SUCLG2: variants seen among roughly 807,000 people sequenced by gnomAD.
SUCLG2 encodes the protein succinate-CoA ligase GDP-forming subunit beta.
Under a neutral mutation model 47.9 loss-of-function variants are expected in SUCLG2, and 42 were observed. The ratio of observed to expected loss-of-function variants is 0.88; its 90% CI spans 0.69 to 1.14. The LOEUF is 1.14. SUCLG2 is among the 50% of genes most tolerant of loss of function. SUCLG2 has a pLI of 0.00. For synonymous variants in SUCLG2, 195 were observed against 197.3 expected, an observed-to-expected ratio of 0.99 and a Z score of 0.10; for missense variants, 571 against 525.9, an observed-to-expected ratio of 1.09 and a Z score of -0.84.
intron 5 of SUCLG2, among the ~76,000 whole-genome samples, chr3:67,519,759 A>C (rs2107126051): frequency 6.6e-6 from 1 of 152,336 alleles, no homozygotes; most frequent in South Asian, 2.1e-4. Flanking sequence ...TTTAGTTCTG[A>C]AAACTTATGT....
intron 2 of SUCLG2, among the ~76,000 whole-genome samples, chr3:67,539,459 G>C (rs957969287): frequency 1.3e-5 from 2 of 152,164 alleles, no homozygotes; most frequent in African/African-American, 4.8e-5. Context: ...AATTCGGTTT[G>C]CCAGTATTTT....
intron 7 of SUCLG2, among the ~76,000 whole-genome samples, chr3:67,508,437 T>C (rs1705697738): frequency 6.6e-6 from 1 of 152,062 alleles, no homozygotes; most frequent in African/African-American, 2.4e-5. Flanking sequence ...TTTATTATTA[T>C]TATTATTATT....
chr3:67,450,907 C>T (rs192838602), intron 9 of SUCLG2, among the ~76,000 whole-genome samples: 21 of 152,306 alleles, frequency 1.4e-4, no homozygotes, highest in African/African-American at 4.6e-4. Context: ...CATTCACAAC[C>T]TGGCCCTAAT....
At chr3:67,618,836 T>TTA (rs1700678192) in intron 1 of SUCLG2, among the ~76,000 whole-genome samples, 1 of 152,124 alleles carries the variant, frequency 6.6e-6, no homozygotes, top group South Asian at 2.1e-4. Flanking sequence ...ATGTAAAACT[T>TTA]AATTAGAGTG....
chr3:67,636,022 G>A (rs968404497), intron 1 of SUCLG2, among the ~76,000 whole-genome samples: 2 of 152,210 alleles, frequency 1.3e-5, no homozygotes, highest in Non-Finnish European at 2.9e-5. Flanking sequence ...ACATATTCCA[G>A]AGGGATTCAA....
At chr3:67,596,178 T>C (rs1160966456) in intron 2 of SUCLG2, among the ~76,000 whole-genome samples, 7 of 152,136 alleles carry the variant, frequency 4.6e-5, no homozygotes, top group Admixed American at 3.9e-4. Flanking sequence ...CCTTGACGGG[T>C]TGTCTATAGG....
At chr3:67,649,469 C>A (rs138068013) in intron 1 of SUCLG2, among the ~76,000 whole-genome samples, 40 of 152,284 alleles carry the variant, frequency 2.6e-4, no homozygotes, top group Non-Finnish European at 5.1e-4. Context: ...TTATTCCCTG[C>A]TGAATTCTGG....
At chr3:67,620,374 C>T (rs1345506838) in intron 1 of SUCLG2, among the ~76,000 whole-genome samples, 2 of 152,028 alleles carry the variant, frequency 1.3e-5, no homozygotes, top group East Asian at 1.9e-4. Context: ...CACCTGAGGT[C>T]AGGAGTTCAA....
At chr3:67,591,146 G>C (rs2107277228) in intron 2 of SUCLG2, among the ~76,000 whole-genome samples, 1 of 152,272 alleles carries the variant, frequency 6.6e-6, no homozygotes, top group East Asian at 1.9e-4. Flanking sequence ...GGCTGTTTTA[G>C]ATCTCTCTGG....
chr3:67,530,362 C>T (rs1044217886), intron 2 of SUCLG2, among the ~76,000 whole-genome samples: 4 of 152,172 alleles, frequency 2.6e-5, no homozygotes, highest in African/African-American at 4.8e-5. Flanking sequence ...ACTATTGCCT[C>T]GACCAGTTAG....
intron 9 of SUCLG2, among the ~76,000 whole-genome samples, chr3:67,466,797 G>A (rs1704483467): frequency 6.6e-6 from 1 of 152,152 alleles, no homozygotes; most frequent in Admixed American, 6.5e-5. Context: ...ACGACAAAAT[G>A]GATTGATTAC....
intron 9 of SUCLG2, among the ~76,000 whole-genome samples, chr3:67,452,099 CT>C (rs1184949397): frequency 1.3e-5 from 2 of 152,160 alleles, no homozygotes; most frequent in African/African-American, 4.8e-5. Context: ...AAAAAAATAA[CT>C]TCTGGTGATT....
At chr3:67,653,525 AT>A (rs1701324603) in intron 1 of SUCLG2, among the ~76,000 whole-genome samples, 1 of 152,208 alleles carries the variant, frequency 6.6e-6, no homozygotes, top group Non-Finnish European at 1.5e-5. Flanking sequence ...TATTTTTTAA[AT>A]TTTCTAAAAA....
At chr3:67,394,008 A>G (rs1383783774) in intron 10 of SUCLG2, among the ~76,000 whole-genome samples, 3 of 152,154 alleles carry the variant, frequency 2.0e-5, no homozygotes, top group Admixed American at 6.5e-5. Context: ...CATCCACACC[A>G]AAAACCCATC....
chr3:67,403,452 T>G (rs1702734830), intron 9 of SUCLG2, among the ~76,000 whole-genome samples: 1 of 152,222 alleles, frequency 6.6e-6, no homozygotes, highest in African/African-American at 2.4e-5. Context: ...CAACAGACAC[T>G]TGATCAACAT....
chr3:67,448,165 C>T (rs772929316), intron 9 of SUCLG2, among the ~76,000 whole-genome samples: 2 of 151,714 alleles, frequency 1.3e-5, no homozygotes, highest in African/African-American at 4.9e-5. Context: ...GAAAAAAATC[C>T]CCAAAAAACT....
chr3:67,432,975 G>A (rs755713537), intron 9 of SUCLG2, among the ~76,000 whole-genome samples: 3 of 152,088 alleles, frequency 2.0e-5, no homozygotes, highest in Non-Finnish European at 4.4e-5. Flanking sequence ...AATTTCTCTC[G>A]AGCTTCCTGA....
chr3:67,637,233 C>A, intron 1 of SUCLG2, among the ~76,000 whole-genome samples: 1 of 152,130 alleles, frequency 6.6e-6, no homozygotes, highest in South Asian at 2.1e-4. Flanking sequence ...GGATATCAGA[C>A]AGGCTAAAAT....
chr3:67,504,175 T>C (rs551581039), intron 7 of SUCLG2, among the ~76,000 whole-genome samples: 15 of 152,162 alleles, frequency 9.9e-5, no homozygotes, highest in African/African-American at 3.6e-4. Context: ...CCATTAAATA[T>C]TGATGTTCTG....
Sources: gnomAD v4.1 joint callset for allele counts (sites outside exome capture counted in the v4.1 genomes callset) on GRCh38, gnomAD v4.1.1 for gene constraint, MANE v1.5 for transcripts, NCBI Gene and HGNC (gene_info 2026-07-23, HGNC 2026-07-21) for gene names.